Variants in RBM18 observed in about 807,000 individuals in gnomAD.
RBM18 encodes RNA binding motif protein 18.
A neutral mutation model predicts 26.4 loss-of-function variants in RBM18; 18 were observed. That is an observed-to-expected ratio of 0.68 (90% CI 0.47 to 1.01). The LOEUF (loss-of-function observed/expected upper bound fraction) is 1.01, where lower values mean the gene tolerates loss of function less well. Ranked by LOEUF, RBM18 falls within the 50% of genes least tolerant of loss-of-function variation. The pLI, the probability that RBM18 is intolerant of heterozygous loss-of-function variation, is 0.00. For missense variants in RBM18, 180 were observed against 219.2 expected (o/e 0.82, Z 1.13); for synonymous variants, 74 against 81.1 (o/e 0.91, Z 0.47).
Position 122,241,257 on chromosome 9 carries a change from T to G in RBM18, c.*627A>C, listed in dbSNP as rs1233956422. On this transcript the variant is annotated 3_prime_UTR_variant, in exon 6 of 6. Transcript: ENST00000417201. ...TCTAGTTTTGTCAACACAAACAATTTTAAGATATACACCATGTTTTCCTAG... is the reference window on the plus strand; with the variant it reads ...TCTAGTTTTGTCAACACAAACAATTGTAAGATATACACCATGTTTTCCTAG... 1 of 152,238 alleles carries G rather than the reference T, an allele frequency of 6.6e-6. No individual in the cohort carries two copies. Among genetic ancestry groups the G allele is most frequent in the African/African-American group, 2.4e-5 (1 of 41,466 alleles). 9.4% of individuals were successfully genotyped at this position (152,238 alleles called of 1,614,324 possible).
At chr9:122,255,879 C>T (rs1261300121) in intron 2 of RBM18, among the ~76,000 whole-genome samples, 2 of 152,014 alleles carry the variant, frequency 1.3e-5, no homozygotes, top group Non-Finnish European at 2.9e-5. Context: ...CATGCCTGTA[C>T]TCCCAGCTAC....
At chr9:122,263,494 T>C (rs1831871234) in intron 1 of RBM18, among the ~76,000 whole-genome samples, 1 of 152,248 alleles carries the variant, frequency 6.6e-6, no homozygotes, top group South Asian at 2.1e-4. Context: ...GCTTCTATTA[T>C]CTAGGACTTA....
At chr9:122,246,869 C>T (rs1382977455) in intron 4 of RBM18, among the ~76,000 whole-genome samples, 1 of 152,138 alleles carries the variant, frequency 6.6e-6, no homozygotes, top group African/African-American at 2.4e-5. Flanking sequence ...AGTCAACACA[C>T]TTTACCACCT....
Position 122,261,416 on chromosome 9 carries a change from C to T in RBM18, c.77G>A (p.Arg26Gln), listed in dbSNP as rs1440546987. 29 of 1,614,140 alleles carry T rather than the reference C, an allele frequency of 1.8e-5. No individual in the cohort carries two copies. The highest frequency in any genetic ancestry group is 2.2e-5 in the East Asian group (1 of 44,878). ...GGGGTCCAGGTTGCCAATCCATAAT[C>T]GGTGTCCTTCCTGCAGAGAGCCCTC... ...LSEGSLQEGH[R>Q]LWIGNLDPKI... The change falls in exon 2 of 6, where the codon CGA (arginine) becomes CAA (glutamine). Residue 26 changes from arginine (R) to glutamine (Q), a missense_variant. Physicochemically the swap from Arg to Gln is conservative, Grantham distance 43. Around this residue, in one of 3 missense-constraint regions of RBM18, gnomAD observed 49 missense variants for 56.6 expected, o/e 0.87. Transcript: ENST00000417201.
chr9:122,248,998 G>C (rs577977299), intron 3 of RBM18, among the ~76,000 whole-genome samples: 2 of 152,262 alleles, frequency 1.3e-5, no homozygotes, highest in African/African-American at 4.8e-5. Flanking sequence ...TAGAGTGACA[G>C]GTAAGAAATA....
intron 1 of RBM18, among the ~76,000 whole-genome samples, 164 bp from the exon 2 acceptor site, chr9:122,261,672 G>A (rs1831798831): frequency 6.6e-6 from 1 of 152,232 alleles, no homozygotes; most frequent in Admixed American, 6.5e-5. Context: ...CAGTTCCCTT[G>A]GGACAACTGC....
Position 122,241,210 on chromosome 9 carries a change from G to GT in RBM18, c.*673_*674insA, listed in dbSNP as rs1831410417. 6.6e-6 allele frequency: 1 copy of GT among 152,072 alleles called. No individual in the cohort carries two copies. The highest frequency in any genetic ancestry group is 2.1e-4 in the South Asian group (1 of 4,822). The allele number at this position is 152,072 out of a possible 1,614,324, so 9.4% of individuals were successfully genotyped here. ...AATTTCCAAATAGAACTTGTGTTGT[G>GT]GTATAAAATGTTAAATTTGATTCTA... On this transcript the variant is annotated 3_prime_UTR_variant, in exon 6 of 6. Coordinates refer to ENST00000417201, the MANE Select transcript of RBM18 (RefSeq NM_033117.4).
In RBM18 at chr9:122,239,627, C is replaced by G. The variant is rs988011241; in HGVS notation, c.*2257G>C. ...AACAAAGAGTTGACCAAGTTAACAC[C>G]TGAAATTTAAAAACCTTTCATCAGA... On this transcript the variant is annotated 3_prime_UTR_variant, in exon 6 of 6. Transcript: ENST00000417201. 6.6e-6 allele frequency: 1 copy of G among 152,194 alleles called. No homozygotes were observed. The highest frequency in any genetic ancestry group is 1.5e-5 in the Non-Finnish European group (1 of 68,044). 9.4% of individuals were successfully genotyped at this position (152,194 alleles called of 1,614,324 possible). A position where few individuals can be genotyped will look rare whatever the true frequency, so the allele number is the denominator to read the frequency against.
intron 2 of RBM18, among the ~76,000 whole-genome samples, chr9:122,254,008 AC>A (rs1475009116): frequency 6.6e-6 from 1 of 151,040 alleles, no homozygotes; most frequent in African/African-American, 2.4e-5. Context: ...AGCCTGGGCG[AC>A]AGAGCAAGAT....
chr9:122,245,434 T>A, intron 4 of RBM18, 93 bp from the exon 5 acceptor site: 1 of 711,008 alleles, frequency 1.4e-6, no homozygotes, highest in South Asian at 1.7e-5. Context: ...CATCAGTATA[T>A]CATCAGCTTA....
chr9:122,264,525 A>G (rs1242180966), intron 1 of RBM18, 190 bp downstream of exon 1: 1 of 152,274 alleles, frequency 6.6e-6, no homozygotes. Context: ...CATGCCTGGA[A>G]CCCTGGCTTC....
At chr9:122,251,558 G>A (rs569615236) in intron 3 of RBM18, among the ~76,000 whole-genome samples, 3 of 152,330 alleles carry the variant, frequency 2.0e-5, no homozygotes, top group Admixed American at 2.0e-4. Context: ...AAACAAAAGA[G>A]AATAGGGAGG....
At chr9:122,250,498 T>G (rs1159358062) in intron 3 of RBM18, among the ~76,000 whole-genome samples, 1 of 152,224 alleles carries the variant, frequency 6.6e-6, no homozygotes, top group Non-Finnish European at 1.5e-5. Flanking sequence ...CAAAAATGAT[T>G]AGTTTTTAAA....
At chr9:122,260,702 T>C (rs192454077) in intron 2 of RBM18, among the ~76,000 whole-genome samples, 144 of 152,288 alleles carry the variant, frequency 9.5e-4, no homozygotes, top group Middle Eastern at 3.4e-3. Context: ...TAAACAGGGA[T>C]GGCCAAAGAA....
At chr9:122,261,601 G>A in intron 1 of RBM18, 93 bp from the exon 2 acceptor site, 2 of 865,876 alleles carry the variant, frequency 2.3e-6, no homozygotes, top group Non-Finnish European at 3.7e-6. Context: ...ATTCAAGGAG[G>A]GCATGCCCTC....
chr9:122,261,951 G>A (rs931583762), intron 1 of RBM18, among the ~76,000 whole-genome samples: 5 of 150,624 alleles, frequency 3.3e-5, no homozygotes, highest in Non-Finnish European at 7.5e-5. Context: ...ATAGCAAAGA[G>A]AAGAGGCAAT....
In RBM18 at chr9:122,241,798, T is replaced by C. The variant is rs1161134100; in HGVS notation, c.*86A>G. ...CATGTGATTGTGCTCCGTTGAATAG[T>C]ACCATTCACATCTACAAAGTACACA... is the stretch of plus-strand genomic sequence containing the variant. On this transcript the variant is annotated 3_prime_UTR_variant, in exon 6 of 6. Coordinates refer to ENST00000417201, the MANE Select transcript of RBM18 (RefSeq NM_033117.4). 5.3e-6 allele frequency: 6 copies of C among 1,134,792 alleles called. No homozygotes were observed. The Admixed American group carries it at 6.2e-5, about 12-fold the overall frequency. The allele number at this position is 1,134,792 out of a possible 1,614,324, so 70.3% of individuals were successfully genotyped here.
In RBM18 at chr9:122,261,425, T is replaced by C. The variant is rs189718399; in HGVS notation, c.68A>G (p.Glu23Gly). The change falls in exon 2 of 6, where the codon GAA becomes GGA. Residue 23 changes from glutamate to glycine, a missense_variant. Physicochemically the swap from Glu to Gly is moderately conservative, Grantham distance 98 (BLOSUM62 -2). Coordinates refer to ENST00000417201, the MANE Select transcript of RBM18 (RefSeq NM_033117.4). ...ASILSEGSLQEGHRLWIGNLD... is the reference protein window; with the variant it reads ...ASILSEGSLQGGHRLWIGNLD... ...GTTGCCAATCCATAATCGGTGTCCT[T>C]CCTGCAGAGAGCCCTCTGAAAGGAT... 19 of 1,614,212 alleles carry C rather than the reference T, an allele frequency of 1.2e-5. No homozygotes were observed. In the East Asian group the frequency reaches 4.2e-4, roughly 36 times the overall value.
At chr9:122,263,224 A>C (rs1386466267) in intron 1 of RBM18, among the ~76,000 whole-genome samples, 1 of 152,226 alleles carries the variant, frequency 6.6e-6, no homozygotes, top group East Asian at 1.9e-4. Context: ...AATACCCTGC[A>C]CATGAGGGTA....
Sources: allele counts gnomAD v4.1 joint callset (sites outside exome capture counted in the v4.1 genomes callset), GRCh38; gene constraint gnomAD v4.1.1; regional missense constraint gnomAD v4.1.1; transcripts MANE v1.5; gene names NCBI Gene and HGNC (gene_info 2026-07-23, HGNC 2026-07-21).